The following WDR86 variants were observed in gnomAD, a reference collection of about 807,000 sequenced individuals.
WDR86 encodes WD repeat-containing protein 86.
Under a neutral mutation model 36.5 loss-of-function variants are expected in WDR86, and 30 were observed. The observed-to-expected ratio is 0.82, with a 90% CI of 0.61 to 1.11. The LOEUF (loss-of-function observed/expected upper bound fraction) is 1.11. Among genes scored for constraint, WDR86 ranks in the 50% most tolerant of loss-of-function variants. WDR86 has a pLI of 0.00. For missense variants in WDR86, 545 were observed against 561.2 expected, an observed-to-expected ratio of 0.97 and a Z score of 0.29; for synonymous variants, 255 against 252.9, an observed-to-expected ratio of 1.01 and a Z score of -0.08.
At chr7:151,404,228 TA>T (rs148524576) in intron 1 of WDR86, among the ~76,000 whole-genome samples, 310 of 150,052 alleles carry the variant, frequency 2.1e-3, no homozygotes, top group Admixed American at 3.4e-3. Context: ...AAGGAAGGTT[TA>T]AAAAAAAAAC....
downstream of WDR86, among the ~76,000 whole-genome samples, chr7:151,379,550 T>C (rs900425473): frequency 6.6e-6 from 1 of 152,158 alleles, no homozygotes; most frequent in Non-Finnish European, 1.5e-5. Flanking sequence ...GATCAGACTC[T>C]CTCACTCACC....
At chr7:151,398,898 C>T (rs571338337) in intron 2 of WDR86, among the ~76,000 whole-genome samples, 9 of 152,324 alleles carry the variant, frequency 5.9e-5, no homozygotes, top group African/African-American at 2.2e-4. Context: ...CTCTGCCTGA[C>T]TCACAGGAGG....
chr7:151,374,841 G>A (rs982229807), downstream of WDR86, among the ~76,000 whole-genome samples: 3 of 152,164 alleles, frequency 2.0e-5, no homozygotes, highest in African/African-American at 7.2e-5. Flanking sequence ...CTGCCCTCTC[G>A]GCCCCGCAGG....
intron 3 of WDR86, among the ~76,000 whole-genome samples, chr7:151,394,318 C>G (rs1307988960): frequency 2.6e-5 from 4 of 152,206 alleles, no homozygotes; most frequent in Non-Finnish European, 4.4e-5. Flanking sequence ...GGTCTTGGAG[C>G]CCCGGGGCCG....
At chr7:151,392,763 T>C (rs1799527191) in intron 3 of WDR86, among the ~76,000 whole-genome samples, 1 of 152,190 alleles carries the variant, frequency 6.6e-6, no homozygotes, top group South Asian at 2.1e-4. Context: ...AGCTCCTTCC[T>C]TGCCCTCCCT....
chr7:151,397,893 G>C (rs561960043), intron 2 of WDR86, among the ~76,000 whole-genome samples: 1 of 151,722 alleles, frequency 6.6e-6, no homozygotes, highest in African/African-American at 2.4e-5. Flanking sequence ...GGGGGTGGCT[G>C]AGTCCTGCCT....
chr7:151,402,266 T>C (rs965693243), intron 1 of WDR86, among the ~76,000 whole-genome samples: 1 of 151,482 alleles, frequency 6.6e-6, no homozygotes, highest in African/African-American at 2.4e-5. Context: ...GATGTGGCCC[T>C]GCTGACACCC....
chr7:151,391,610 G>T (rs533086029), intron 3 of WDR86, among the ~76,000 whole-genome samples: 1 of 152,286 alleles, frequency 6.6e-6, no homozygotes, highest in East Asian at 1.9e-4. Flanking sequence ...TCAAGAGGCA[G>T]ATCTGGATGG....
At chr7:151,380,764 G>A (rs1288033299), downstream of WDR86, among the ~76,000 whole-genome samples, 2 of 151,866 alleles carry the variant, frequency 1.3e-5, no homozygotes, top group Admixed American at 6.5e-5. Context: ...GCACGAGCCC[G>A]GGGTGGGGCT....
At chr7:151,398,110 A>T (rs1194773125) in intron 2 of WDR86, among the ~76,000 whole-genome samples, 1 of 152,210 alleles carries the variant, frequency 6.6e-6, no homozygotes, top group Non-Finnish European at 1.5e-5. Flanking sequence ...TTGTGAGCAC[A>T]TGTGAACATG....
At position 151,381,985 on chromosome 7, in the gene WDR86, C is replaced by T. The variant is rs759921125; in HGVS notation, c.863-4G>A. ...GCGTCCCCGCTGCCCGTGAACACTG[C>T]GGACACACAGCGCGCGCTGGGCCTC... On this transcript the variant is annotated splice_region_variant and splice_polypyrimidine_tract_variant and intron_variant, in intron 4 of 5. Transcript: ENST00000334493. This position sits in a 1 kb window ranked among gnomAD's most constrained non-coding sequence, Gnocchi z 4.8. The T allele has an allele frequency of 2.1e-5, 33 of 1,596,242 alleles. No individual in the cohort carries two copies. In the Admixed American group the frequency reaches 2.3e-4, roughly 11 times the overall value.
At chr7:151,386,765 T>C (rs1473274854) in intron 3 of WDR86, among the ~76,000 whole-genome samples, 4 of 152,104 alleles carry the variant, frequency 2.6e-5, no homozygotes, top group Non-Finnish European at 5.9e-5. Context: ...CCACCCCTCC[T>C]GCCTCAGGCT....
At position 151,381,403 on chromosome 7, in the gene WDR86, C is replaced by G; in HGVS notation, c.*179G>C. 1 of 1,478,216 alleles carries G rather than the reference C, an allele frequency of 6.8e-7. No individual in the cohort carries two copies. Among genetic ancestry groups the G allele is most frequent in the Non-Finnish European group, 8.9e-7 (1 of 1,123,262 alleles). 91.6% of individuals were successfully genotyped at this position (1,478,216 alleles called of 1,614,324 possible). ...GGTCCCCAGGGCGAGCACTCCCGCT[C>G]CCAGCGCCTCCTGGCCACCAAAGAA... is the stretch of plus-strand genomic sequence containing the variant. On this transcript the variant is annotated 3_prime_UTR_variant, in exon 6 of 6. Coordinates refer to ENST00000334493, the MANE Select transcript of WDR86 (RefSeq NM_198285.3). This position sits in a 1 kb window ranked among gnomAD's most constrained non-coding sequence, Gnocchi z 4.8.
At chr7:151,408,964 C>T in intron 1 of WDR86, 1 of 473,700 alleles carries the variant, frequency 2.1e-6, no homozygotes, top group South Asian at 1.5e-5. Context: ...CACCGCTGGC[C>T]CTTAACAAGC....
At position 151,388,470 on chromosome 7, in the gene WDR86, C is replaced by T. The variant is rs1563049480; in HGVS notation, c.727-3247G>A. ...GCTGCCCTGCAGCGCAGGGCCACCA[C>T]AGACAGGGTGCCCCCTGGCTTTTTG... On this transcript the variant is annotated intron_variant, in intron 3 of 5. Coordinates refer to ENST00000334493, the MANE Select transcript of WDR86 (RefSeq NM_198285.3). This position sits in a 1 kb window ranked among gnomAD's most constrained non-coding sequence, Gnocchi z 4.2. Among the ~76,000 whole-genome samples the T allele has an allele frequency of 1.3e-5, 2 of 152,056 alleles. No homozygotes were observed. Among genetic ancestry groups the T allele is most frequent in the South Asian group, 2.1e-4 (1 of 4,826 alleles).
downstream of WDR86, chr7:151,376,471 C>T (rs1563033318): frequency 1.5e-6 from 1 of 678,548 alleles, no homozygotes; most frequent in Non-Finnish European, 2.4e-6. Context: ...TTCCAGGTTG[C>T]TCTACGCTCA....
At chr7:151,373,216 G>A (rs1414429694), downstream of WDR86, among the ~76,000 whole-genome samples, 2 of 152,202 alleles carry the variant, frequency 1.3e-5, no homozygotes, top group Non-Finnish European at 2.9e-5. Context: ...CTGGGAGAAT[G>A]TAGCAAGTCA....
chr7:151,405,516 C>G lies in WDR86; in HGVS notation c.163+3911G>C, dbSNP rs1199292811. On this transcript the variant is annotated intron_variant, in intron 1 of 5. Transcript: ENST00000334493. The surrounding 1 kb of genome is among the most constrained non-coding windows in gnomAD (Gnocchi z 4.7). ...ACCCAGTTTCGAGGGTGCTGGGACC[C>G]TGAGGCAGGTGACATCTGGGCCCAG... Among the ~76,000 whole-genome samples, 1 of 152,218 alleles carries G rather than the reference C, an allele frequency of 6.6e-6. No individual in the cohort carries two copies. Among genetic ancestry groups the G allele is most frequent in the African/African-American group, 2.4e-5 (1 of 41,448 alleles).
At position 151,396,025 on chromosome 7, in the gene WDR86, C is replaced by T. The variant is rs1249221962; in HGVS notation, c.477G>A (p.Glu159=). Residue 159 remains glutamate (E), a synonymous_variant, in exon 3 of 6, where the codon GAG becomes GAA. Coordinates refer to ENST00000334493, the MANE Select transcript of WDR86 (RefSeq NM_198285.3). The part of the protein sequence containing the change: ...WDLPSTPCAE[E]AAAGGLLVTG... The stretch of plus-strand genomic sequence containing the variant: ...TCACCAGAAGCCCCCCGGCCGCGGC[C>T]TCCTCCGCGCAGGGAGTGCTGGGGA... The T allele has an allele frequency of 6.2e-7, 1 of 1,606,488 alleles. No individual in the cohort carries two copies. The highest frequency in any genetic ancestry group is 1.1e-5 in the South Asian group (1 of 90,528).
Sources: allele counts gnomAD v4.1 joint callset (sites outside exome capture counted in the v4.1 genomes callset), GRCh38; gene constraint gnomAD v4.1.1; non-coding constraint Gnocchi (gnomAD v3.1); transcripts MANE v1.5; gene names NCBI Gene and HGNC (gene_info 2026-07-23, HGNC 2026-07-21).